The following C22orf31 variants were observed in gnomAD, a reference collection of about 807,000 sequenced individuals.
The protein encoded by C22orf31 is uncharacterized protein C22orf31.
C22orf31 carries 11 observed loss-of-function variants against 15.0 expected under a neutral mutation model. That is an observed-to-expected ratio of 0.73 (90% confidence interval 0.46 to 1.21). The LOEUF (loss-of-function observed/expected upper bound fraction) is 1.21. Among genes scored for constraint, C22orf31 ranks in the 50% most tolerant of loss-of-function variants. The pLI, the probability that C22orf31 is intolerant of heterozygous loss-of-function variation, is 0.00. For missense variants in C22orf31, 340 were observed against 347.2 expected, an observed-to-expected ratio of 0.98 and a Z score of 0.17; for synonymous variants, 132 against 133.3, an observed-to-expected ratio of 0.99 and a Z score of 0.07.
At chr22:29,062,032 G>C (rs1202766720), upstream of C22orf31, among the ~76,000 whole-genome samples, 1 of 152,148 alleles carries the variant, frequency 6.6e-6, no homozygotes. Context: ...TTTGTGATGT[G>C]GGTGTGGGTG....
chr22:29,067,072 C>A, the C22orf31 span, among the ~76,000 whole-genome samples: 4 of 152,310 alleles, frequency 2.6e-5, no homozygotes, highest in African/African-American at 7.2e-5. Context: ...TGATACAGTG[C>A]AGCCTCAAAC....
At chr22:29,069,495 C>T in the C22orf31 span, among the ~76,000 whole-genome samples, 3 of 152,130 alleles carry the variant, frequency 2.0e-5, no homozygotes, top group African/African-American at 7.2e-5. Context: ...CAAACGGACA[C>T]CAACATCTTT....
At chr22:29,072,400 A>T in the C22orf31 span, among the ~76,000 whole-genome samples, 2 of 151,284 alleles carry the variant, frequency 1.3e-5, no homozygotes, top group Non-Finnish European at 1.5e-5. Flanking sequence ...TGCTGGGATC[A>T]CAGGAGTTGT....
At chr22:29,069,704 T>C in the C22orf31 span, among the ~76,000 whole-genome samples, 2 of 152,294 alleles carry the variant, frequency 1.3e-5, no homozygotes, top group African/African-American at 4.8e-5. Context: ...GTGCACTGTT[T>C]CCATCACCTG....
intron 2 of C22orf31, 78 bp downstream of exon 2, chr22:29,060,337 A>G (rs2037375898): frequency 7.5e-7 from 1 of 1,329,236 alleles, no homozygotes. Flanking sequence ...ATATAATCTC[A>G]ACCGTTAAGT....
At position 29,060,323 on chromosome 22, in the gene C22orf31, C is replaced by T. The variant is rs145700742; in HGVS notation, c.432+92G>A. ...GCTGAGATTATAGGCGGTAGCCGCA[C>T]GCCATATAATCTCAACCGTTAAGTG... On this transcript the variant is annotated intron_variant, in intron 2 of 2. Coordinates refer to ENST00000216071, the MANE Select transcript of C22orf31 (RefSeq NM_015370.2). The T allele has an allele frequency of 7.8e-4, 937 of 1,199,768 alleles. 8 individuals carry two copies. In the African/African-American group the frequency reaches 8.7e-3, roughly 11 times the overall value. The allele number at this position is 1,199,768 out of a possible 1,614,324, so 74.3% of individuals were successfully genotyped here.
At chr22:29,061,145 G>A (rs1401238691) in intron 1 of C22orf31, among the ~76,000 whole-genome samples, 1 of 152,148 alleles carries the variant, frequency 6.6e-6, no homozygotes, top group African/African-American at 2.4e-5. Flanking sequence ...CTGCCTGCTG[G>A]AAAGATACGG....
At chr22:29,073,442 T>C in the C22orf31 span, among the ~76,000 whole-genome samples, 1 of 150,972 alleles carries the variant, frequency 6.6e-6, no homozygotes, top group African/African-American at 2.4e-5. This position sits in a 1 kb window ranked among gnomAD's most constrained non-coding sequence, Gnocchi z 4.4. Context: ...CCCGGTACTG[T>C]CCCCCGGCTG....
Position 29,060,557 on chromosome 22 carries a change from C to G in C22orf31, c.290G>C (p.Gly97Ala), listed in dbSNP as rs140473176. 59 of 1,614,154 alleles carry G rather than the reference C, an allele frequency of 3.7e-5. No individual in the cohort carries two copies. The East Asian group carries it at 1.2e-3, about 34-fold the overall frequency. ...TAATCTCTTCGAGAGTTTTCCTTCT[C>G]CAAACTTGCATGGTGGTGGGCAGCA... ...NKCCPPPCKFGEGKLSKRLKH... is the reference protein window; with the variant it reads ...NKCCPPPCKFAEGKLSKRLKH... Residue 97 changes from glycine to alanine, a missense_variant, in exon 2 of 3, where the codon GGA (glycine) becomes GCA (alanine). Coordinates refer to ENST00000216071, the MANE Select transcript of C22orf31 (RefSeq NM_015370.2).
upstream of C22orf31, among the ~76,000 whole-genome samples, chr22:29,063,441 C>A (rs1340067130): frequency 6.6e-6 from 1 of 152,200 alleles, no homozygotes; most frequent in Non-Finnish European, 1.5e-5. Flanking sequence ...GCTGGGATTA[C>A]AGGCGTGAGC....
intron 2 of C22orf31, chr22:29,060,010 T>C: frequency 2.1e-6 from 2 of 958,862 alleles, no homozygotes; most frequent in Non-Finnish European, 2.5e-6. Flanking sequence ...GTATAGATCT[T>C]TTTTTCTTTT....
the C22orf31 span, among the ~76,000 whole-genome samples, chr22:29,068,222 T>C: frequency 6.6e-6 from 1 of 151,136 alleles, no homozygotes; most frequent in Non-Finnish European, 1.5e-5. Flanking sequence ...GCTGACATTA[T>C]AGGCGCATGC....
chr22:29,065,088 C>T (rs36066559), upstream of C22orf31, among the ~76,000 whole-genome samples: 6 of 152,170 alleles, frequency 3.9e-5, no homozygotes, highest in South Asian at 8.3e-4. Flanking sequence ...CTCCTGACCT[C>T]GTGATCTACC....
intron 1 of C22orf31, among the ~76,000 whole-genome samples, chr22:29,061,554 C>A (rs1430452091): frequency 6.6e-6 from 1 of 152,224 alleles, no homozygotes; most frequent in South Asian, 2.1e-4. Flanking sequence ...GCATGAGCCA[C>A]CATGTTCGGC....
At chr22:29,059,665 C>T in intron 2 of C22orf31, 2 of 984,434 alleles carry the variant, frequency 2.0e-6, no homozygotes, top group Non-Finnish European at 2.4e-6. Flanking sequence ...GCCTGCTGGC[C>T]ACCACGGGGT....
chr22:29,066,936 C>T, the C22orf31 span, among the ~76,000 whole-genome samples: 70 of 152,284 alleles, frequency 4.6e-4, 2 homozygotes, highest in South Asian at 0.013. Context: ...ACAGACAACT[C>T]TAACTCATTA....
At chr22:29,073,085 C>T in the C22orf31 span, 2 of 578,356 alleles carry the variant, frequency 3.5e-6, no homozygotes, top group Non-Finnish European at 4.4e-6. This position sits in a 1 kb window ranked among gnomAD's most constrained non-coding sequence, Gnocchi z 4.4. Context: ...CCCCGCGCTG[C>T]CCCCTTTACC....
At chr22:29,073,351 C>A in the C22orf31 span, 1 of 248,812 alleles carries the variant, frequency 4.0e-6, no homozygotes, top group Non-Finnish European at 7.1e-6. This position sits in a 1 kb window ranked among gnomAD's most constrained non-coding sequence, Gnocchi z 4.4. Context: ...TTCCCCTCGC[C>A]CCTAGGCGAC....
In C22orf31 at chr22:29,060,663, A is replaced by G. The variant is rs1481506234; in HGVS notation, c.184T>C (p.Trp62Arg). The change falls in exon 2 of 3, where the codon TGG becomes CGG. Residue 62 changes from tryptophan (W) to arginine (R), a missense_variant. Physicochemically the swap from Trp to Arg is moderately radical, Grantham distance 101 (BLOSUM62 -3). Transcript: ENST00000216071. ...ATTAATGGGTTCCTTACAACTTCCC[A>G]AGAGGAAGTGGTAGCTGGTGCTGGG... ...NAPAPATTSS[W>R]EVVRNPLIAS... is the part of the protein sequence containing the mutation. 6.2e-7 allele frequency: 1 copy of G among 1,614,052 alleles called. No homozygotes were observed.
Sources: allele counts gnomAD v4.1 joint callset (sites outside exome capture counted in the v4.1 genomes callset), GRCh38; gene constraint gnomAD v4.1.1; non-coding constraint Gnocchi (gnomAD v3.1); transcripts MANE v1.5; gene names NCBI Gene and HGNC (gene_info 2026-07-23, HGNC 2026-07-21).